ASIC2: variants seen among roughly 807,000 people sequenced by gnomAD.
The protein encoded by ASIC2 is acid sensing ion channel subunit 2.
ASIC2 carries 25 observed loss-of-function variants against 57.3 expected under a neutral mutation model. That is an observed-to-expected ratio of 0.44 (90% CI 0.32 to 0.61). ASIC2 has a LOEUF of 0.61. Ranked by LOEUF, ASIC2 falls within the 20% of genes least tolerant of loss-of-function variation. The pLI is 0.06. For missense variants in ASIC2, 641 were observed against 738.1 expected, an observed-to-expected ratio of 0.87 and a Z score of 1.52; for synonymous variants, 319 against 307.5, an observed-to-expected ratio of 1.04 and a Z score of -0.39.
At chr17:33,340,835 T>C (rs1907692011) in intron 1 of ASIC2, among the ~76,000 whole-genome samples, 1 of 152,100 alleles carries the variant, frequency 6.6e-6, no homozygotes. Flanking sequence ...ATGCCAGGGC[T>C]AGTATGAGGC....
chr17:34,008,041 TG>T (rs1209058554), intron 1 of ASIC2, among the ~76,000 whole-genome samples: 1 of 152,150 alleles, frequency 6.6e-6, no homozygotes, highest in Non-Finnish European at 1.5e-5. Context: ...TGGATGGGGC[TG>T]GGAAGGTGGC....
intron 1 of ASIC2, among the ~76,000 whole-genome samples, chr17:33,150,995 A>C (rs1904767831): frequency 6.6e-6 from 1 of 151,794 alleles, no homozygotes; most frequent in South Asian, 2.1e-4. Flanking sequence ...GCACCACTGC[A>C]CTCTAGCCTG....
At chr17:33,618,957 G>A (rs1161163084) in intron 1 of ASIC2, among the ~76,000 whole-genome samples, 1 of 151,886 alleles carries the variant, frequency 6.6e-6, no homozygotes, top group Non-Finnish European at 1.5e-5. Flanking sequence ...TCAAATTCCG[G>A]GCCCAAAATA....
chr17:33,377,249 C>T (rs1597705192), intron 1 of ASIC2, among the ~76,000 whole-genome samples: 1 of 152,160 alleles, frequency 6.6e-6, no homozygotes, highest in African/African-American at 2.4e-5. Flanking sequence ...TGGGGTTTCA[C>T]CATGTTTGCC....
At chr17:33,655,092 G>A (rs1907036678) in intron 1 of ASIC2, among the ~76,000 whole-genome samples, 1 of 152,160 alleles carries the variant, frequency 6.6e-6, no homozygotes, top group Admixed American at 6.5e-5. Context: ...GGGACAAGTG[G>A]TAGCCCTTTT....
chr17:33,686,292 A>G (rs1193286856), intron 1 of ASIC2, among the ~76,000 whole-genome samples: 1 of 152,068 alleles, frequency 6.6e-6, no homozygotes, highest in Non-Finnish European at 1.5e-5. Context: ...GGGCTGCAAA[A>G]ACCTAGGATT....
intron 1 of ASIC2, among the ~76,000 whole-genome samples, chr17:33,503,502 C>T (rs7223687): frequency 0.45 from 68,381 of 151,844 alleles, 15,754 homozygotes; most frequent in Middle Eastern, 0.51. Flanking sequence ...ATTGGCTCAC[C>T]TCACTCCAGT....
At chr17:33,715,230 G>A (rs1193173840) in intron 1 of ASIC2, among the ~76,000 whole-genome samples, 1 of 152,042 alleles carries the variant, frequency 6.6e-6, no homozygotes, top group South Asian at 2.1e-4. Flanking sequence ...TCCAACTTCT[G>A]GCCTCAAGCG....
intron 1 of ASIC2, among the ~76,000 whole-genome samples, chr17:33,440,258 T>C (rs898973881): frequency 6.6e-6 from 1 of 152,228 alleles, no homozygotes; most frequent in African/African-American, 2.4e-5. Flanking sequence ...ATCTGGCCTC[T>C]TTTCCTTAGC....
At chr17:33,651,642 A>G (rs966251297) in intron 1 of ASIC2, among the ~76,000 whole-genome samples, 2 of 152,222 alleles carry the variant, frequency 1.3e-5, no homozygotes. Flanking sequence ...TCTAGAGCCC[A>G]TGCTCGCACT....
At chr17:33,847,977 C>T (rs1455321677) in intron 1 of ASIC2, among the ~76,000 whole-genome samples, 1 of 152,130 alleles carries the variant, frequency 6.6e-6, no homozygotes, top group Non-Finnish European at 1.5e-5. Context: ...GAAGTGAATG[C>T]ATTGTCTCTA....
chr17:33,829,536 T>C lies in ASIC2; in HGVS notation c.555+326442A>G, dbSNP rs1358043472. On this transcript the variant is annotated intron_variant, in intron 1 of 9. Coordinates refer to the ASIC2 transcript ENST00000359872. ...GGTTTTTGGGAAGATAGGAGCAGAG[T>C]GTTGTACAATTGCTCCAAGGCAGGA... 1.9e-4 allele frequency among the ~76,000 whole-genome samples: 29 copies of C among 151,768 alleles called. 1 individual carries two copies. Among genetic ancestry groups the C allele is most frequent in the Admixed American group, 1.9e-3 (29 of 15,242 alleles).
intron 1 of ASIC2, among the ~76,000 whole-genome samples, chr17:33,118,700 G>C (rs1382190980): frequency 6.6e-6 from 1 of 152,154 alleles, no homozygotes; most frequent in Non-Finnish European, 1.5e-5. Flanking sequence ...GGTTCAGAGG[G>C]GTGAAATGAC....
chr17:33,171,157 C>T (rs1209606126), intron 1 of ASIC2, among the ~76,000 whole-genome samples: 1 of 152,204 alleles, frequency 6.6e-6, no homozygotes, highest in African/African-American at 2.4e-5. Flanking sequence ...ATTAGAAGAC[C>T]TGAGTTCTCA....
intron 1 of ASIC2, among the ~76,000 whole-genome samples, chr17:33,833,761 A>G (rs550357781): frequency 3.3e-5 from 5 of 152,322 alleles, no homozygotes; most frequent in East Asian, 3.9e-4. Flanking sequence ...GCTGGTTTAA[A>G]ATAATCTATT....
At chr17:33,600,948 A>G (rs773556780) in intron 1 of ASIC2, among the ~76,000 whole-genome samples, 1 of 152,236 alleles carries the variant, frequency 6.6e-6, no homozygotes, top group African/African-American at 2.4e-5. Context: ...ACTGAGGACA[A>G]TGGACTTTGT....
At chr17:34,146,917 T>C (rs998361372) in intron 1 of ASIC2, 6 of 152,252 alleles carry the variant, frequency 3.9e-5, no homozygotes, top group Admixed American at 2.0e-4. Context: ...AGGCATATCA[T>C]GGCTCCTGAA....
chr17:33,462,611 AC>A (rs1171436747), intron 1 of ASIC2, among the ~76,000 whole-genome samples: 3 of 152,216 alleles, frequency 2.0e-5, no homozygotes, highest in Non-Finnish European at 2.9e-5. Flanking sequence ...CTTAACCTGT[AC>A]CTTTACAAAA....
intron 1 of ASIC2, among the ~76,000 whole-genome samples, chr17:33,658,896 G>A (rs1415589179): frequency 2.0e-5 from 3 of 152,122 alleles, no homozygotes; most frequent in African/African-American, 2.4e-5. Context: ...CTAGCTACTC[G>A]GGAGGCTGAG....
Sources: gnomAD v4.1 joint callset for allele counts (sites outside exome capture counted in the v4.1 genomes callset) on GRCh38, gnomAD v4.1.1 for gene constraint, MANE v1.5 for transcripts, NCBI Gene and HGNC (gene_info 2026-07-23, HGNC 2026-07-21) for gene names.